NDST4: variants seen among roughly 807,000 people sequenced by gnomAD.
The protein encoded by NDST4 is N-heparan sulfate sulfotransferase 4.
NDST4 carries 63 observed loss-of-function variants against 100.8 expected under a neutral mutation model. The observed-to-expected ratio is 0.62, with a 90% CI of 0.51 to 0.77. The LOEUF (loss-of-function observed/expected upper bound fraction) is 0.77, where lower values mean the gene tolerates loss of function less well. Among genes scored for constraint, NDST4 ranks in the 30% least tolerant of loss-of-function variants. The probability of loss-of-function intolerance (pLI) is 0.00; values close to 1 mark genes in which losing one functional copy is unlikely to be tolerated. For missense variants in NDST4, 943 were observed against 1,018.4 expected, an observed-to-expected ratio of 0.93 and a Z score of 1.01; for synonymous variants, 377 against 361.8, an observed-to-expected ratio of 1.04 and a Z score of -0.48.
chr4:114,860,674 C>A (rs1160098692), intron 7 of NDST4, among the ~76,000 whole-genome samples: 1 of 152,136 alleles, frequency 6.6e-6, no homozygotes, highest in East Asian at 1.9e-4. Context: ...AGACTACCTG[C>A]TTACTTCTGG....
At chr4:114,987,511 T>C (rs1726940289) in intron 2 of NDST4, among the ~76,000 whole-genome samples, 1 of 152,190 alleles carries the variant, frequency 6.6e-6, no homozygotes, top group African/African-American at 2.4e-5. Context: ...CAAGTGATTA[T>C]AGAAAATTTC....
At chr4:114,977,710 G>A (rs1459849917) in intron 2 of NDST4, among the ~76,000 whole-genome samples, 3 of 151,848 alleles carry the variant, frequency 2.0e-5, no homozygotes, top group Non-Finnish European at 4.4e-5. Context: ...ATTTAACTGG[G>A]CCACCTCCCT....
At chr4:114,893,486 T>C (rs990995996) in intron 6 of NDST4, among the ~76,000 whole-genome samples, 1 of 152,220 alleles carries the variant, frequency 6.6e-6, no homozygotes, top group Non-Finnish European at 1.5e-5. Context: ...TGCATTTCTC[T>C]GATGATCAGT....
At chr4:114,849,083 C>T (rs1342738312) in intron 8 of NDST4, among the ~76,000 whole-genome samples, 2 of 152,208 alleles carry the variant, frequency 1.3e-5, no homozygotes, top group Non-Finnish European at 1.5e-5. Flanking sequence ...AAGATGGCTG[C>T]TTCAATGACT....
At chr4:115,025,628 G>T (rs1055037707) in intron 2 of NDST4, among the ~76,000 whole-genome samples, 2 of 152,006 alleles carry the variant, frequency 1.3e-5, no homozygotes, top group Non-Finnish European at 1.5e-5. Flanking sequence ...AATTCCATCA[G>T]CATGCTACAA....
chr4:114,943,591 T>C (rs1419939134), intron 4 of NDST4, among the ~76,000 whole-genome samples: 2 of 152,280 alleles, frequency 1.3e-5, no homozygotes, highest in Admixed American at 1.3e-4. Context: ...CAATAGAACT[T>C]AATCTCTTCG....
chr4:114,843,993 C>G (rs1260473421), intron 10 of NDST4, among the ~76,000 whole-genome samples: 1 of 100,640 alleles, frequency 9.9e-6, no homozygotes, highest in Non-Finnish European at 2.0e-5. Context: ...CCCACCCCAA[C>G]CCTCCTGTAT....
At chr4:115,086,164 A>C (rs1210722615) in intron 1 of NDST4, among the ~76,000 whole-genome samples, 2 of 152,136 alleles carry the variant, frequency 1.3e-5, no homozygotes, top group African/African-American at 2.4e-5. Flanking sequence ...AAAATATCCA[A>C]TATTGATTAA....
At chr4:115,028,912 A>C (rs904104304) in intron 2 of NDST4, among the ~76,000 whole-genome samples, 1 of 152,156 alleles carries the variant, frequency 6.6e-6, no homozygotes, top group Non-Finnish European at 1.5e-5. Flanking sequence ...GATGGCAGGG[A>C]GTAGAAAAAC....
rs780714062 is a variant in NDST4 at position 114,852,819 on chromosome 4, A to G, written c.1722T>C (p.Asn574=). The G allele has an allele frequency of 6.2e-7, 1 of 1,606,948 alleles. No individual in the cohort carries two copies. The highest frequency in any genetic ancestry group is 1.3e-5 in the African/African-American group (1 of 74,704). ...FPEQKDPLWQ[N]PCDDKRHKDI... ...CTTTGTGTCGTTTATCATCACATGG[A>G]TTCTGCAAGAAGGAAGAATAAGTAA... Residue 574 remains asparagine (N), a splice_region_variant and synonymous_variant, in exon 8 of 14, where the codon AAT becomes AAC. Transcript: ENST00000264363.
chr4:114,995,277 T>A (rs577849448), intron 2 of NDST4, among the ~76,000 whole-genome samples: 57 of 152,142 alleles, frequency 3.7e-4, no homozygotes, highest in African/African-American at 1.3e-3. Context: ...TTAATGTGAA[T>A]GTAAGTGACA....
At chr4:114,845,761 T>C in intron 10 of NDST4, 62 bp downstream of exon 10, 1 of 1,461,340 alleles carries the variant, frequency 6.8e-7, no homozygotes, top group Non-Finnish European at 9.4e-7. Context: ...TCTGGTTATT[T>C]TTCATTGCCT....
intron 2 of NDST4, among the ~76,000 whole-genome samples, chr4:115,071,314 A>G (rs1729073994): frequency 6.7e-6 from 1 of 150,234 alleles, no homozygotes; most frequent in South Asian, 2.1e-4. Flanking sequence ...ACACACACAC[A>G]CACACATTGA....
chr4:114,919,698 T>C (rs1158234171), intron 6 of NDST4, among the ~76,000 whole-genome samples: 1 of 152,170 alleles, frequency 6.6e-6, no homozygotes, highest in Non-Finnish European at 1.5e-5. Context: ...TGGAGGACAT[T>C]AAGAATGGCT....
At chr4:115,033,488 A>G (rs905464045) in intron 2 of NDST4, among the ~76,000 whole-genome samples, 1 of 151,922 alleles carries the variant, frequency 6.6e-6, no homozygotes, top group Non-Finnish European at 1.5e-5. Flanking sequence ...ATATTGATTA[A>G]AATGTTTTCT....
chr4:114,876,005 A>G (rs571318916), intron 6 of NDST4, among the ~76,000 whole-genome samples: 1 of 152,340 alleles, frequency 6.6e-6, no homozygotes, highest in African/African-American at 2.4e-5. Flanking sequence ...ATATTTGGGT[A>G]CTTAGTCCTG....
At chr4:115,053,196 C>A (rs1008390011) in intron 2 of NDST4, among the ~76,000 whole-genome samples, 1 of 152,030 alleles carries the variant, frequency 6.6e-6, no homozygotes, top group Non-Finnish European at 1.5e-5. Flanking sequence ...ACAGCTGAAA[C>A]AGGCAATTTA....
intron 7 of NDST4, among the ~76,000 whole-genome samples, chr4:114,867,665 C>CAAAAAAAAAAAAAAAAAAAAG: frequency 1.3e-4 from 10 of 79,902 alleles, no homozygotes; most frequent in South Asian, 5.7e-4. Context: ...AAAAAAAAAG[C>CAAAAAAAAAAAAAAAAAAAAG]AAAAAAAAAA....
rs138808362 is a variant in NDST4 at position 115,091,764 on chromosome 4, T to G, written c.-246-14482A>C. 3.8e-3 allele frequency among the ~76,000 whole-genome samples: 573 copies of G among 152,288 alleles called. 4 individuals are homozygous for G. Among genetic ancestry groups the G allele is most frequent in the South Asian group, 4.8e-3 (23 of 4,826 alleles). On this transcript the variant is annotated intron_variant, in intron 1 of 13. Coordinates refer to ENST00000264363, the MANE Select transcript of NDST4 (RefSeq NM_022569.3). ...TGCTTGCAATGAAGTATACTCAGATTAATCATTCTGAGTAAAATGCACATA... is the reference window on the plus strand; with the variant it reads ...TGCTTGCAATGAAGTATACTCAGATGAATCATTCTGAGTAAAATGCACATA...
Sources: allele counts gnomAD v4.1 joint callset (sites outside exome capture counted in the v4.1 genomes callset), GRCh38; gene constraint gnomAD v4.1.1; transcripts MANE v1.5; gene names NCBI Gene and HGNC (gene_info 2026-07-23, HGNC 2026-07-21).